The following NTM variants were observed in gnomAD, a reference collection of about 807,000 sequenced individuals.
NTM encodes the protein neurotrimin, also known as IgLON family member 2.
Under a neutral mutation model 42.1 loss-of-function variants are expected in NTM, and 13 were observed. That is an observed-to-expected ratio of 0.31 (90% confidence interval 0.20 to 0.49). The LOEUF (loss-of-function observed/expected upper bound fraction) is 0.49, where lower values mean the gene tolerates loss of function less well. Among genes scored for constraint, NTM ranks in the 20% least tolerant of loss-of-function variants. The probability of loss-of-function intolerance (pLI) is 0.99; values close to 1 mark genes in which losing one functional copy is unlikely to be tolerated. For missense variants in NTM, 373 were observed against 452.8 expected (o/e 0.82, Z 1.60); for synonymous variants, 187 against 179.2 (o/e 1.04, Z -0.35).
chr11:131,597,814 A>G (rs949072408), intron 1 of NTM, among the ~76,000 whole-genome samples: 1 of 152,220 alleles, frequency 6.6e-6, no homozygotes, highest in African/African-American at 2.4e-5. Flanking sequence ...TGTTATCTTT[A>G]TTATCTTTGT....
chr11:131,946,650 A>G (rs144902262), intron 2 of NTM, among the ~76,000 whole-genome samples: 3 of 152,302 alleles, frequency 2.0e-5, no homozygotes, highest in Non-Finnish European at 4.4e-5. Flanking sequence ...AACCCTACAC[A>G]ATGCACACAA....
chr11:131,925,586 A>G (rs960070387), intron 2 of NTM, among the ~76,000 whole-genome samples: 2 of 151,914 alleles, frequency 1.3e-5, no homozygotes, highest in East Asian at 1.9e-4. Context: ...GGGTTTCACC[A>G]TGTTGCCGAG....
At chr11:132,320,936 G>C (rs1004757600) in intron 7 of NTM, among the ~76,000 whole-genome samples, 3 of 150,792 alleles carry the variant, frequency 2.0e-5, no homozygotes, top group Non-Finnish European at 4.4e-5. Context: ...CACACTGCAG[G>C]GTACTCCAAC....
rs1179642243 is a variant in NTM at position 132,317,769 on chromosome 11, C to CGAAGCACTTGTCTGTAAA, written c.934+3068_934+3085dup. ...CCCCCTTCCCCTGCTGTGCATTACC[C>CGAAGCACTTGTCTGTAAA]GAAGCACTTGTCTGTAAAGTGTCTT... On this transcript the variant is annotated intron_variant, in intron 7 of 8. Coordinates refer to ENST00000683400, the MANE Select transcript of NTM (RefSeq NM_001352005.2). 6.1e-6 allele frequency: 5 copies of CGAAGCACTTGTCTGTAAA among 813,764 alleles called. No homozygotes were observed. In the Admixed American group the frequency reaches 1.2e-4, roughly 19 times the overall value. 50.4% of individuals were successfully genotyped at this position (813,764 alleles called of 1,614,324 possible).
At chr11:131,714,640 A>G (rs1306201738) in intron 1 of NTM, among the ~76,000 whole-genome samples, 1 of 152,132 alleles carries the variant, frequency 6.6e-6, no homozygotes, top group Non-Finnish European at 1.5e-5. Context: ...TACCTTGCTC[A>G]TGTCTGACTA....
intron 1 of NTM, among the ~76,000 whole-genome samples, chr11:131,436,619 C>T (rs867379274): frequency 2.6e-5 from 4 of 152,092 alleles, no homozygotes; most frequent in Admixed American, 6.6e-5. Context: ...TCTGTGGGAT[C>T]GGTGGTGATA....
intron 2 of NTM, among the ~76,000 whole-genome samples, chr11:131,996,531 CACCTACACACCTTA>C (rs568546603): frequency 1.3e-4 from 20 of 152,262 alleles, no homozygotes; most frequent in South Asian, 1.0e-3. Context: ...ACTCAAATCC[CACCTACACACCTTA>C]TCTTCTCTAA....
chr11:131,556,778 A>G (rs115787897), intron 1 of NTM, among the ~76,000 whole-genome samples: 7,564 of 151,850 alleles, frequency 0.05, 212 homozygotes, highest in Middle Eastern at 0.099. Context: ...GTATTGGCCA[A>G]CCTGATCTCG....
At chr11:131,547,392 A>T (rs1251499943) in intron 1 of NTM, among the ~76,000 whole-genome samples, 1 of 152,222 alleles carries the variant, frequency 6.6e-6, no homozygotes, top group East Asian at 1.9e-4. Context: ...CAGAGAGAGA[A>T]TGCTGGCCTG....
chr11:131,676,362 A>C (rs2071383906), intron 1 of NTM, among the ~76,000 whole-genome samples: 1 of 152,176 alleles, frequency 6.6e-6, no homozygotes, highest in Admixed American at 6.5e-5. Flanking sequence ...ATATAAAGGA[A>C]ATTTTAAGGG....
At chr11:131,821,330 T>C (rs1202098067) in intron 1 of NTM, among the ~76,000 whole-genome samples, 1 of 152,216 alleles carries the variant, frequency 6.6e-6, no homozygotes, top group African/African-American at 2.4e-5. Context: ...TGACCTGCTC[T>C]TTCTTGTGGT....
intron 1 of NTM, among the ~76,000 whole-genome samples, chr11:131,526,641 C>A (rs1489762646): frequency 2.0e-5 from 3 of 152,104 alleles, no homozygotes; most frequent in Non-Finnish European, 4.4e-5. Context: ...GAGATGAGGC[C>A]AATTGATTCC....
intron 1 of NTM, among the ~76,000 whole-genome samples, chr11:131,614,268 T>G (rs192442975): frequency 8.5e-5 from 13 of 152,178 alleles, no homozygotes; most frequent in African/African-American, 3.1e-4. Flanking sequence ...CATCCCTGTG[T>G]GACCTGAGGA....
chr11:132,268,662 CTCTCTCTCTGTG>C (rs763332575), intron 4 of NTM, among the ~76,000 whole-genome samples: 169 of 67,934 alleles, frequency 2.5e-3, no homozygotes, highest in African/African-American at 8.2e-3. Flanking sequence ...GGGGTCCTCT[CTCTCTCTCTGTG>C]TGTGTGTGTG....
At chr11:131,989,309 C>A (rs1225977301) in intron 2 of NTM, among the ~76,000 whole-genome samples, 3 of 152,100 alleles carry the variant, frequency 2.0e-5, no homozygotes, top group Admixed American at 2.0e-4. Context: ...CTTTCATATA[C>A]ATTTCATCAT....
chr11:132,136,247 G>A (rs2067900617), intron 2 of NTM, among the ~76,000 whole-genome samples: 1 of 152,190 alleles, frequency 6.6e-6, no homozygotes, highest in African/African-American at 2.4e-5. Context: ...GAAGCCAGCA[G>A]CCTCTCTCCT....
intron 3 of NTM, among the ~76,000 whole-genome samples, chr11:132,208,662 C>A (rs536718022): frequency 6.6e-6 from 1 of 152,256 alleles, no homozygotes; most frequent in Non-Finnish European, 1.5e-5. Context: ...AGCAGATTAC[C>A]TATCATGCAG....
intron 1 of NTM, among the ~76,000 whole-genome samples, chr11:131,672,651 C>G (rs561076068): frequency 5.5e-4 from 84 of 152,308 alleles, no homozygotes; most frequent in African/African-American, 1.9e-3. Flanking sequence ...TATTTTCCCA[C>G]TAGACTCTGG....
At chr11:132,203,472 G>A (rs1325302140) in intron 3 of NTM, among the ~76,000 whole-genome samples, 5 of 152,094 alleles carry the variant, frequency 3.3e-5, no homozygotes, top group Non-Finnish European at 7.4e-5. Flanking sequence ...TGTGGGGTGT[G>A]GGCTTAAAAC....
Sources: gnomAD v4.1 joint callset for allele counts (sites outside exome capture counted in the v4.1 genomes callset) on GRCh38, gnomAD v4.1.1 for gene constraint, MANE v1.5 for transcripts, NCBI Gene and HGNC (gene_info 2026-07-23, HGNC 2026-07-21) for gene names.